The following TTC28 variants were observed in gnomAD, a reference collection of about 807,000 sequenced individuals.
The protein encoded by TTC28 is tetratricopeptide repeat protein 28.
In TTC28, 61 loss-of-function variants were observed where a neutral mutation model predicts 198.0. That is an observed-to-expected ratio of 0.31 (90% CI 0.25 to 0.38). TTC28 has a LOEUF of 0.38. TTC28 is among the 10% of genes least tolerant of loss of function. The probability of loss-of-function intolerance (pLI) is 1.00; values close to 1 mark genes in which losing one functional copy is unlikely to be tolerated. For synonymous variants in TTC28, 1,171 were observed against 1,297.8 expected, an observed-to-expected ratio of 0.90 and a Z score of 2.10; for missense variants, 2,678 against 3,164.0, an observed-to-expected ratio of 0.85 and a Z score of 3.69.
At chr22:28,428,854 A>C (rs1306928687) in intron 2 of TTC28, among the ~76,000 whole-genome samples, 1 of 151,846 alleles carries the variant, frequency 6.6e-6, no homozygotes, top group African/African-American at 2.4e-5. Flanking sequence ...GATAGCCAGG[A>C]TGGTCTCGAT....
intron 2 of TTC28, among the ~76,000 whole-genome samples, chr22:28,507,057 T>C (rs900338585): frequency 1.3e-5 from 2 of 152,202 alleles, no homozygotes; most frequent in Non-Finnish European, 2.9e-5. Context: ...GGGGTGAGGC[T>C]GAGATGGCTG....
chr22:28,272,863 G>C (rs1444827819), intron 5 of TTC28, among the ~76,000 whole-genome samples: 1 of 152,086 alleles, frequency 6.6e-6, no homozygotes, highest in Non-Finnish European at 1.5e-5. Flanking sequence ...CCAAGTGTCT[G>C]AGCCACCACT....
chr22:28,020,170 C>T (rs1306960474), intron 13 of TTC28, among the ~76,000 whole-genome samples: 1 of 152,240 alleles, frequency 6.6e-6, no homozygotes, highest in East Asian at 1.9e-4. Context: ...GGGGCTGCGG[C>T]TCCGGGCTTC....
chr22:28,009,235 G>T (rs1938043878), intron 14 of TTC28, among the ~76,000 whole-genome samples: 4 of 152,262 alleles, frequency 2.6e-5, no homozygotes, highest in African/African-American at 9.6e-5. Flanking sequence ...ATCACATACT[G>T]GTGTAAGGCC....
intron 2 of TTC28, among the ~76,000 whole-genome samples, chr22:28,507,344 A>T (rs2048626821): frequency 6.6e-6 from 1 of 152,224 alleles, no homozygotes; most frequent in East Asian, 1.9e-4. Context: ...GAAATAAGAC[A>T]GGCAGACAAG....
In TTC28 at chr22:27,998,532, A is replaced by G; in HGVS notation, c.5119+8T>C. On this transcript the variant is annotated splice_region_variant and intron_variant, in intron 16 of 22. Transcript: ENST00000397906. ...TTGACAGGCACCCGCAGCCAGCCGAACTCCCACCTGCCCAGTTGGAGGGGT... is the reference window on the plus strand; with the variant it reads ...TTGACAGGCACCCGCAGCCAGCCGAGCTCCCACCTGCCCAGTTGGAGGGGT... The G allele has an allele frequency of 5.2e-6, 8 of 1,545,554 alleles. No homozygotes were observed. The highest frequency in any genetic ancestry group is 7.0e-6 in the Non-Finnish European group (8 of 1,143,906).
At chr22:28,620,641 A>C (rs543038775) in intron 2 of TTC28, among the ~76,000 whole-genome samples, 1 of 152,320 alleles carries the variant, frequency 6.6e-6, no homozygotes, top group African/African-American at 2.4e-5. Context: ...GGCTACCAAA[A>C]TGTAGAAGTG....
chr22:28,354,324 A>T (rs1447035125), intron 2 of TTC28, among the ~76,000 whole-genome samples: 1 of 152,204 alleles, frequency 6.6e-6, no homozygotes, highest in Non-Finnish European at 1.5e-5. Flanking sequence ...GTATGTACAT[A>T]CAATGAAATA....
At chr22:27,994,968 C>T (rs9625381) in intron 17 of TTC28, among the ~76,000 whole-genome samples, 1,675 of 152,226 alleles carry the variant, frequency 0.011, 28 homozygotes, top group African/African-American at 0.038. Context: ...TTGGCCTCCT[C>T]GAGCCAACTG....
Position 28,108,417 on chromosome 22 carries a change from TA to T in TTC28, c.1442-15del. The T allele has an allele frequency of 2.1e-6, 3 of 1,433,204 alleles. No individual in the cohort carries two copies. Among genetic ancestry groups the T allele is most frequent in the Non-Finnish European group, 2.8e-6 (3 of 1,089,862 alleles). 88.8% of individuals were successfully genotyped at this position (1,433,204 alleles called of 1,614,324 possible). On this transcript the variant is annotated splice_polypyrimidine_tract_variant and intron_variant, in intron 6 of 22. Coordinates refer to ENST00000397906, the MANE Select transcript of TTC28 (RefSeq NM_001145418.2). ...GGTGTATGATTCCTGAGAAAGAGAA[TA>T]AAAGAACAGACTAAGACTGAAATAA...
chr22:28,642,740 AGTAAAAG>A (rs1319050441), intron 1 of TTC28, among the ~76,000 whole-genome samples: 1 of 152,194 alleles, frequency 6.6e-6, no homozygotes, highest in Non-Finnish European at 1.5e-5. Context: ...GAGGGTACAA[AGTAAAAG>A]GTCAGAGAGG....
At chr22:28,239,182 T>C (rs1192665687) in intron 5 of TTC28, among the ~76,000 whole-genome samples, 1 of 144,684 alleles carries the variant, frequency 6.9e-6, no homozygotes, top group Non-Finnish European at 1.5e-5. Context: ...GAATTTTTAC[T>C]TTTCTTTCCT....
At chr22:28,274,720 C>T (rs1601563349) in intron 5 of TTC28, among the ~76,000 whole-genome samples, 1 of 152,276 alleles carries the variant, frequency 6.6e-6, no homozygotes, top group Admixed American at 6.5e-5. Flanking sequence ...GTGGCTCACG[C>T]CTGTAATCCC....
At chr22:28,605,092 G>A (rs186869466) in intron 2 of TTC28, among the ~76,000 whole-genome samples, 154 of 152,264 alleles carry the variant, frequency 1.0e-3, no homozygotes, top group Middle Eastern at 6.8e-3. Context: ...CCTATTTTCT[G>A]AATTTCCTTC....
At chr22:28,269,864 G>A (rs1931937550) in intron 5 of TTC28, among the ~76,000 whole-genome samples, 1 of 152,158 alleles carries the variant, frequency 6.6e-6, no homozygotes, top group African/African-American at 2.4e-5. Flanking sequence ...AACCTCTATA[G>A]TGAGAAGAGT....
intron 6 of TTC28, among the ~76,000 whole-genome samples, chr22:28,157,669 A>T (rs1026809761): frequency 2.0e-5 from 3 of 152,228 alleles, no homozygotes; most frequent in African/African-American, 7.2e-5. Context: ...CAACAGAATG[A>T]AGGCCATTTC....
chr22:28,372,733 A>AAC (rs2046357192), intron 2 of TTC28, among the ~76,000 whole-genome samples: 1 of 152,058 alleles, frequency 6.6e-6, no homozygotes, highest in South Asian at 2.1e-4. Context: ...TAACCCCACC[A>AAC]ACATGGCCCA....
rs1240327851 is a variant in TTC28 at position 27,978,861 on chromosome 22, T to G, written c.*3360A>C. ...TAAGAGAGGGGAGTTGTACGGCTTA[T>G]AGTCATTGTATTTACATCTGATGGA... On this transcript the variant is annotated 3_prime_UTR_variant, in exon 23 of 23. Transcript: ENST00000397906. 2 of 152,256 alleles carry G rather than the reference T, an allele frequency of 1.3e-5. No homozygotes were observed. Among genetic ancestry groups the G allele is most frequent in the Admixed American group, 1.3e-4 (2 of 15,276 alleles). The allele number at this position is 152,256 out of a possible 1,614,324, so 9.4% of individuals were successfully genotyped here.
chr22:28,175,544 C>T (rs903312734), intron 5 of TTC28, among the ~76,000 whole-genome samples: 12 of 152,038 alleles, frequency 7.9e-5, no homozygotes, highest in African/African-American at 2.9e-4. Flanking sequence ...CCAGCCTGGC[C>T]AACATGGTGA....
Sources: allele counts gnomAD v4.1 joint callset (sites outside exome capture counted in the v4.1 genomes callset), GRCh38; gene constraint gnomAD v4.1.1; transcripts MANE v1.5; gene names NCBI Gene and HGNC (gene_info 2026-07-23, HGNC 2026-07-21).